Variants in MTM1 observed in about 807,000 individuals in gnomAD.
The protein encoded by MTM1 is myotubularin.
Under a neutral mutation model 52.1 loss-of-function variants are expected in MTM1, and 9 were observed. The observed-to-expected ratio is 0.17, with a 90% confidence interval of 0.10 to 0.30. MTM1 has a LOEUF of 0.30. Ranked by LOEUF, MTM1 falls within the 10% of genes least tolerant of loss-of-function variation. The pLI, the probability that MTM1 is intolerant of heterozygous loss-of-function variation, is 1.00. For synonymous variants in MTM1, 136 were observed against 163.8 expected (o/e 0.83, Z 1.29); for missense variants, 277 against 470.7 (o/e 0.59, Z 3.81).
intron 4 of MTM1, among the ~76,000 whole-genome samples, chrX:150,610,591 T>G (rs782429028): frequency 8.9e-6 from 1 of 112,328 alleles, no homozygotes; most frequent in East Asian, 2.8e-4. Flanking sequence ...ATCCAGAAAG[T>G]TCAGCTAATT....
At chrX:150,589,882 A>G (rs868941713) in intron 1 of MTM1, among the ~76,000 whole-genome samples, 1 of 110,674 alleles carries the variant, frequency 9.0e-6, no homozygotes, top group Non-Finnish European at 1.9e-5. Context: ...TGGCTAAGAC[A>G]TTGGCATTCA....
At chrX:150,606,771 G>A (rs782702118) in intron 4 of MTM1, among the ~76,000 whole-genome samples, 2 of 108,413 alleles carry the variant, frequency 1.8e-5, no homozygotes, top group South Asian at 4.1e-4. Flanking sequence ...CCTTCCCCCC[G>A]CTCTGTGAAT....
chrX:150,608,119 G>C (rs1245897640), intron 4 of MTM1, among the ~76,000 whole-genome samples: 1 of 111,566 alleles, frequency 9.0e-6, no homozygotes, highest in East Asian at 2.8e-4. Context: ...CTGAGTTGGG[G>C]GAGAATGGCA....
At chrX:150,659,098 C>A (rs1459682245) in intron 11 of MTM1, among the ~76,000 whole-genome samples, 1 of 111,842 alleles carries the variant, frequency 8.9e-6, no homozygotes, top group East Asian at 2.8e-4. Context: ...CGTGATCCGC[C>A]CACCTCAGCC....
chrX:150,657,479 TG>T (rs1170609606), intron 10 of MTM1, among the ~76,000 whole-genome samples: 5 of 61,471 alleles, frequency 8.1e-5, no homozygotes, highest in Non-Finnish European at 1.2e-4. Context: ...TGTTGTGGGG[TG>T]GGGGGAGGGA....
intron 9 of MTM1, among the ~76,000 whole-genome samples, chrX:150,647,193 G>GT: frequency 4.4e-5 from 1 of 22,685 alleles, no homozygotes; most frequent in Non-Finnish European, 6.5e-5. Flanking sequence ...ATTTCAGGGT[G>GT]AATATATATA....
At chrX:150,625,261 T>TG (rs2039548082) in intron 6 of MTM1, among the ~76,000 whole-genome samples, 1 of 111,984 alleles carries the variant, frequency 8.9e-6, no homozygotes, top group Admixed American at 9.4e-5. Context: ...GAGGATTAAA[T>TG]GTAAAGTGCT....
At chrX:150,645,165 T>C (rs1477014632) in intron 8 of MTM1, among the ~76,000 whole-genome samples, 2 of 111,694 alleles carry the variant, frequency 1.8e-5, no homozygotes, top group African/African-American at 6.5e-5. Flanking sequence ...CGAGCAGATC[T>C]ATGCTCTTTG....
chrX:150,638,897 G>C (rs1557413778), intron 6 of MTM1, 46 bp from the exon 7 acceptor site: 1 of 929,249 alleles, frequency 1.1e-6, no homozygotes, highest in Non-Finnish European at 1.6e-6. Context: ...TATAATAGTA[G>C]ACTGTTCCTT....
intron 1 of MTM1, among the ~76,000 whole-genome samples, chrX:150,590,689 TAGC>T (rs1308331146): frequency 8.9e-6 from 1 of 111,746 alleles, no homozygotes; most frequent in Non-Finnish European, 1.9e-5. Flanking sequence ...AAATCAGAAA[TAGC>T]AGGAAGACTC....
intron 14 of MTM1, among the ~76,000 whole-genome samples, chrX:150,670,410 G>A (rs1179685457): frequency 8.9e-6 from 1 of 112,150 alleles, no homozygotes; most frequent in Non-Finnish European, 1.9e-5. Context: ...GGGAAATGGA[G>A]GCACACAGAA....
intron 6 of MTM1, among the ~76,000 whole-genome samples, chrX:150,620,983 T>A (rs2019153): frequency 0.33 from 35,912 of 108,011 alleles, 5,596 homozygotes; most frequent in East Asian, 0.69. Flanking sequence ...CTGGGTGTAG[T>A]GCTGGGCACC....
chrX:150,613,853 C>T (rs1328869261), intron 4 of MTM1, among the ~76,000 whole-genome samples: 1 of 112,155 alleles, frequency 8.9e-6, no homozygotes, highest in Non-Finnish European at 1.9e-5. Context: ...AGACCACTTG[C>T]ACCCAGCGTT....
chrX:150,668,244 C>A (rs1359790759), intron 14 of MTM1, among the ~76,000 whole-genome samples: 1 of 112,617 alleles, frequency 8.9e-6, no homozygotes. Flanking sequence ...CCCTGCAGAA[C>A]CATCAGAGAG....
chrX:150,632,770 G>A (rs1253084579), intron 6 of MTM1, among the ~76,000 whole-genome samples: 1 of 111,213 alleles, frequency 9.0e-6, no homozygotes, highest in Non-Finnish European at 1.9e-5. Context: ...TGATAGGGAA[G>A]AATCCACCCT....
intron 1 of MTM1, among the ~76,000 whole-genome samples, chrX:150,572,387 C>T (rs1206221301): frequency 8.9e-6 from 1 of 112,059 alleles, no homozygotes; most frequent in African/African-American, 3.2e-5. Flanking sequence ...TATAAGAGGG[C>T]AGTTGTCCTT....
At chrX:150,582,225 T>C (rs1256573307) in intron 1 of MTM1, among the ~76,000 whole-genome samples, 2 of 111,288 alleles carry the variant, frequency 1.8e-5, no homozygotes, top group Non-Finnish European at 3.8e-5. Context: ...TAATGATATA[T>C]GCTGAGTTAG....
At chrX:150,654,770 G>T (rs782282170) in intron 10 of MTM1, among the ~76,000 whole-genome samples, 1 of 111,535 alleles carries the variant, frequency 9.0e-6, no homozygotes, top group African/African-American at 3.3e-5. Flanking sequence ...TCTTTCACTT[G>T]GTCTGCCTTT....
chrX:150,593,527 C>T (rs1404681715), intron 2 of MTM1, among the ~76,000 whole-genome samples: 1 of 111,856 alleles, frequency 8.9e-6, no homozygotes, highest in East Asian at 2.8e-4. Context: ...ATTCATGGCC[C>T]TTTAAGGCCC....
Sources: gnomAD v4.1 joint callset for allele counts (sites outside exome capture counted in the v4.1 genomes callset) on GRCh38, gnomAD v4.1.1 for gene constraint, MANE v1.5 for transcripts, NCBI Gene and HGNC (gene_info 2026-07-23, HGNC 2026-07-21) for gene names.